The following ZNF227 variants were observed in gnomAD, a reference collection of about 807,000 sequenced individuals.
The protein encoded by ZNF227 is zinc finger protein 227.
A neutral mutation model predicts 13.2 loss-of-function variants in ZNF227; 12 were observed. The observed-to-expected ratio is 0.91, with a 90% CI of 0.58 to 1.47. The LOEUF (loss-of-function observed/expected upper bound fraction) is 1.47, where lower values mean the gene tolerates loss of function less well. Ranked by LOEUF, ZNF227 falls within the 40% of genes most tolerant of loss-of-function variation. ZNF227 has a pLI of 0.00. For missense variants in ZNF227, 885 were observed against 967.5 expected (o/e 0.91, Z 1.13); for synonymous variants, 338 against 326.0 (o/e 1.04, Z -0.40).
intron 3 of ZNF227, among the ~76,000 whole-genome samples, chr19:44,225,344 A>G (rs1353182349): frequency 6.6e-6 from 1 of 152,122 alleles, no homozygotes; most frequent in African/African-American, 2.4e-5. Flanking sequence ...GTTCTCTTGG[A>G]TAATATCCTG....
intron 4 of ZNF227, chr19:44,228,948 C>G (rs1034949673): frequency 3.3e-6 from 1 of 298,830 alleles, no homozygotes; most frequent in Non-Finnish European, 6.1e-6. Flanking sequence ...AATAGTAGTG[C>G]TGCAGTTGCA....
chr19:44,219,433 T>A (rs1176731814), intron 3 of ZNF227, among the ~76,000 whole-genome samples: 1 of 152,108 alleles, frequency 6.6e-6, no homozygotes, highest in African/African-American at 2.4e-5. Context: ...AAATTCCTGT[T>A]AAGATTAGTA....
At chr19:44,234,562 A>G (rs1568613963) in intron 5 of ZNF227, 140 bp from the exon 6 acceptor site, 2 of 745,450 alleles carry the variant, frequency 2.7e-6, no homozygotes, top group Middle Eastern at 3.9e-4. Context: ...AAAAGAATAC[A>G]CGATGCTGTA....
intron 3 of ZNF227, among the ~76,000 whole-genome samples, chr19:44,224,128 G>T (rs1599804628): frequency 6.6e-6 from 1 of 152,228 alleles, no homozygotes; most frequent in African/African-American, 2.4e-5. Flanking sequence ...TGGTCTGAGA[G>T]ACAGACAGTT....
chr19:44,236,231 G>GA lies in ZNF227; in HGVS notation c.1806dup (p.Pro603ThrfsTer3), dbSNP rs749365333. On this transcript the variant is annotated frameshift_variant, in exon 6 of 6. Coordinates refer to ENST00000313040, the MANE Select transcript of ZNF227 (RefSeq NM_182490.3). LOFTEE classifies it low-confidence loss of function (END_TRUNC). ...TGCACATCAAAGAGTTCACTCAGGAGAAAAACCCTATAAATGTGAGCAGTG... is the reference window on the plus strand; with the variant it reads ...TGCACATCAAAGAGTTCACTCAGGAGAAAAAACCCTATAAATGTGAGCAGTG... The GA allele has an allele frequency of 3.1e-6, 5 of 1,613,986 alleles. No individual in the cohort carries two copies. The highest frequency in any genetic ancestry group is 1.6e-4 in the Middle Eastern group (1 of 6,084).
intron 4 of ZNF227, 74 bp from the exon 5 acceptor site, chr19:44,229,659 C>A: frequency 1.1e-6 from 1 of 928,184 alleles, no homozygotes; most frequent in Non-Finnish European, 1.6e-6. Flanking sequence ...GGTTGTGAGG[C>A]TTATAGGGTT....
chr19:44,215,209 C>G (rs1214361615), intron 2 of ZNF227, among the ~76,000 whole-genome samples: 2 of 150,942 alleles, frequency 1.3e-5, no homozygotes, highest in Admixed American at 6.6e-5. Context: ...GCCTGTCGCC[C>G]AGACCGGAGT....
At chr19:44,228,235 G>GA (rs1973386774) in intron 3 of ZNF227, 5 of 489,908 alleles carry the variant, frequency 1.0e-5, no homozygotes, top group South Asian at 8.2e-5. Flanking sequence ...TCTCAAAAAA[G>GA]AAAAAAACAA....
chr19:44,224,389 A>C (rs1972875397), intron 3 of ZNF227, among the ~76,000 whole-genome samples: 1 of 151,972 alleles, frequency 6.6e-6, no homozygotes, highest in South Asian at 2.1e-4. Context: ...CCCCATTATT[A>C]TTGTGTGGGT....
chr19:44,209,795 C>T (rs1177878311), upstream of ZNF227, among the ~76,000 whole-genome samples: 2 of 152,088 alleles, frequency 1.3e-5, no homozygotes, highest in African/African-American at 2.4e-5. Context: ...ACCGTGTTAG[C>T]CAGGATGGTT....
chr19:44,228,117 C>T (rs1973367611), intron 3 of ZNF227: 1 of 183,044 alleles, frequency 5.5e-6, no homozygotes, highest in Non-Finnish European at 1.1e-5. Flanking sequence ...TGTAATCCCA[C>T]CTACTTGGGA....
In ZNF227 at chr19:44,236,522, G is replaced by T. The variant is rs748451888; in HGVS notation, c.2092G>T (p.Gly698Cys). 1.9e-6 allele frequency: 3 copies of T among 1,613,406 alleles called. No individual in the cohort carries two copies. The highest frequency in any genetic ancestry group is 2.5e-6 in the Non-Finnish European group (3 of 1,179,824). Residue 698 changes from glycine (G) to cysteine (C), a missense_variant, in exon 6 of 6, where the codon GGT (glycine) becomes TGT (cysteine). Gly to Cys is a radical substitution (Grantham distance 159). Coordinates refer to ENST00000313040, the MANE Select transcript of ZNF227 (RefSeq NM_182490.3). ...ATGTGAAGAGTGTGGGAAAGGCTTTGGTAGGAGCTTGAATCTTCGCCATCA... is the reference window on the plus strand; with the variant it reads ...ATGTGAAGAGTGTGGGAAAGGCTTTTGTAGGAGCTTGAATCTTCGCCATCA... ...YKCEECGKGF[G>C]RSLNLRHHQR...
At chr19:44,217,137 T>A (rs1040986350) in intron 2 of ZNF227, among the ~76,000 whole-genome samples, 7 of 151,836 alleles carry the variant, frequency 4.6e-5, no homozygotes, top group Admixed American at 6.6e-5. Flanking sequence ...TGATTTTTTT[T>A]ATTTTTGGTA....
intron 2 of ZNF227, among the ~76,000 whole-genome samples, chr19:44,214,718 A>T (rs1416123544): frequency 6.6e-6 from 1 of 152,116 alleles, no homozygotes; most frequent in African/African-American, 2.4e-5. Context: ...AGAGTGGTGC[A>T]GTGAATTCCA....
At chr19:44,211,991 G>A (rs1476265265), upstream of ZNF227, among the ~76,000 whole-genome samples, 1 of 150,034 alleles carries the variant, frequency 6.7e-6, no homozygotes, top group Non-Finnish European at 1.5e-5. Flanking sequence ...CAGGGTTCAA[G>A]CGATTCTTAT....
At chr19:44,210,304 C>T (rs1223382535), upstream of ZNF227, among the ~76,000 whole-genome samples, 7 of 152,138 alleles carry the variant, frequency 4.6e-5, no homozygotes, top group Non-Finnish European at 1.0e-4. Flanking sequence ...CTGAGGTTAA[C>T]ATTTGCTAAC....
upstream of ZNF227, among the ~76,000 whole-genome samples, chr19:44,211,121 C>A (rs977060418): frequency 3.3e-5 from 5 of 151,866 alleles, no homozygotes; most frequent in Admixed American, 6.6e-5. Context: ...CTTGCTTGAA[C>A]CTTGTGTGAG....
At chr19:44,228,374 C>G (rs1335151066) in intron 3 of ZNF227, 72 bp from the exon 4 acceptor site, 1 of 1,540,506 alleles carries the variant, frequency 6.5e-7, no homozygotes, top group Non-Finnish European at 8.7e-7. Context: ...GTGCTCTTTT[C>G]CTTCTTGATG....
chr19:44,226,920 C>T (rs557603535), intron 3 of ZNF227, among the ~76,000 whole-genome samples: 1 of 152,324 alleles, frequency 6.6e-6, no homozygotes, highest in South Asian at 2.1e-4. Context: ...ATCTTGGCTC[C>T]ACCCCTCAAA....
Sources: gnomAD v4.1 joint callset for allele counts (sites outside exome capture counted in the v4.1 genomes callset) on GRCh38, gnomAD v4.1.1 for gene constraint, MANE v1.5 for transcripts, NCBI Gene and HGNC (gene_info 2026-07-23, HGNC 2026-07-21) for gene names.